The following KIAA1549 variants were observed in gnomAD, a reference collection of about 807,000 sequenced individuals.
The protein encoded by KIAA1549 is UPF0606 protein KIAA1549.
Under a neutral mutation model 156.4 loss-of-function variants are expected in KIAA1549, and 70 were observed. The ratio of observed to expected loss-of-function variants is 0.45; its 90% CI spans 0.37 to 0.55. KIAA1549 has a LOEUF of 0.55. KIAA1549 is among the 20% of genes least tolerant of loss of function. KIAA1549 has a pLI of 0.00. For missense variants in KIAA1549, 2,428 were observed against 2,540.9 expected (o/e 0.96, Z 0.96); for synonymous variants, 1,103 against 1,066.4 (o/e 1.03, Z -0.67).
intron 10 of KIAA1549, among the ~76,000 whole-genome samples, chr7:138,893,964 G>A (rs938876729): frequency 2.0e-5 from 3 of 152,208 alleles, no homozygotes; most frequent in Admixed American, 6.5e-5. Flanking sequence ...TCAGCTATTC[G>A]GAGACCGAGG....
At chr7:138,932,146 T>C (rs995499803) in intron 1 of KIAA1549, among the ~76,000 whole-genome samples, 4 of 152,204 alleles carry the variant, frequency 2.6e-5, no homozygotes, top group African/African-American at 9.6e-5. Context: ...GAATAGGCCA[T>C]GCTAAAATTA....
chr7:138,916,678 A>G (rs1812329197), intron 2 of KIAA1549, 70 bp downstream of exon 2: 1 of 1,574,330 alleles, frequency 6.4e-7, no homozygotes, highest in African/African-American at 1.3e-5. Context: ...TCCAAGCCTC[A>G]CAGGCACTGC....
intron 5 of KIAA1549, 124 bp downstream of exon 5, chr7:138,908,867 C>G: frequency 1.7e-6 from 2 of 1,148,512 alleles, no homozygotes; most frequent in East Asian, 2.4e-5. Context: ...AGATCAATCC[C>G]GACTCACATA....
chr7:138,923,361 G>C (rs1219048935), intron 1 of KIAA1549, among the ~76,000 whole-genome samples: 1 of 152,190 alleles, frequency 6.6e-6, no homozygotes, highest in African/African-American at 2.4e-5. Context: ...AGCACTTTGG[G>C]AGGCCAAGGC....
chr7:138,878,466 A>G (rs1284168129), intron 12 of KIAA1549, among the ~76,000 whole-genome samples: 1 of 152,246 alleles, frequency 6.6e-6, no homozygotes, highest in Non-Finnish European at 1.5e-5. Flanking sequence ...ATTCCTATTA[A>G]AAATAATATC....
In KIAA1549 at chr7:138,833,524, T is replaced by C. The variant is rs916474287; in HGVS notation, c.*4382A>G. 4.3e-6 allele frequency: 1 copy of C among 232,588 alleles called. No individual in the cohort carries two copies. Among genetic ancestry groups the C allele is most frequent in the Non-Finnish European group, 8.5e-6 (1 of 117,712 alleles). 14.4% of individuals were successfully genotyped at this position (232,588 alleles called of 1,614,324 possible). On this transcript the variant is annotated 3_prime_UTR_variant, in exon 20 of 20. Coordinates refer to ENST00000422774, the MANE Select transcript of KIAA1549 (RefSeq NM_001164665.2). ...CCCGTGCTTTGCCTCACAGTCCGCA[T>C]GCCAGGAAAGATCTGGCCGGCAAAC...
chr7:138,850,392 C>T (rs1383712150), intron 17 of KIAA1549, among the ~76,000 whole-genome samples: 2 of 152,184 alleles, frequency 1.3e-5, no homozygotes, highest in Admixed American at 6.5e-5. Flanking sequence ...GCCATTCTGA[C>T]TGGTATGAGA....
intron 2 of KIAA1549, among the ~76,000 whole-genome samples, chr7:138,916,203 A>C (rs1346845931): frequency 6.6e-6 from 1 of 152,228 alleles, no homozygotes; most frequent in East Asian, 1.9e-4. Flanking sequence ...TCTCCTTTCA[A>C]GGAAAAGTAA....
chr7:138,970,261 C>T (rs140643226), intron 1 of KIAA1549, among the ~76,000 whole-genome samples: 2 of 152,292 alleles, frequency 1.3e-5, no homozygotes, highest in African/African-American at 2.4e-5. Flanking sequence ...TCAACTATCT[C>T]CAAGTGCTTT....
intron 10 of KIAA1549, among the ~76,000 whole-genome samples, chr7:138,890,088 G>A (rs1335773778): frequency 1.3e-5 from 2 of 152,180 alleles, no homozygotes; most frequent in Non-Finnish European, 2.9e-5. Context: ...TGGCTCTTTT[G>A]TTCTTTCTCT....
chr7:138,844,719 G>A (rs960741254), intron 17 of KIAA1549, among the ~76,000 whole-genome samples: 2 of 152,106 alleles, frequency 1.3e-5, no homozygotes, highest in East Asian at 3.9e-4. Flanking sequence ...ACAAAAGCCA[G>A]GGCCTGCTCA....
intron 1 of KIAA1549, among the ~76,000 whole-genome samples, chr7:138,945,708 T>C (rs144892362): frequency 2.8e-3 from 426 of 152,386 alleles, no homozygotes; most frequent in African/African-American, 9.9e-3. Context: ...ACTTTTTTTA[T>C]AGGCATATTA....
At chr7:138,887,683 G>C (rs112609085) in intron 10 of KIAA1549, among the ~76,000 whole-genome samples, 1 of 152,128 alleles carries the variant, frequency 6.6e-6, no homozygotes, top group Non-Finnish European at 1.5e-5. Context: ...TAGAAACCTC[G>C]GGAACATCAA....
intron 1 of KIAA1549, among the ~76,000 whole-genome samples, chr7:138,923,377 G>C (rs1316054502): frequency 6.6e-6 from 1 of 152,198 alleles, no homozygotes; most frequent in Non-Finnish European, 1.5e-5. Flanking sequence ...AAGGCAGGTG[G>C]ATCACCTGAG....
chr7:138,945,014 T>C (rs1813298098), intron 1 of KIAA1549, among the ~76,000 whole-genome samples: 2 of 152,256 alleles, frequency 1.3e-5, no homozygotes, highest in Non-Finnish European at 2.9e-5. Flanking sequence ...TTTTATGTTA[T>C]GCATGTTTTA....
At chr7:138,875,734 C>G (rs754546708) in intron 12 of KIAA1549, among the ~76,000 whole-genome samples, 2 of 152,182 alleles carry the variant, frequency 1.3e-5, no homozygotes, top group Non-Finnish European at 2.9e-5. Context: ...ACTAAAATGA[C>G]AAAGCAAGAG....
At chr7:138,838,552 G>A (rs2065529079) in intron 19 of KIAA1549, among the ~76,000 whole-genome samples, 1 of 152,166 alleles carries the variant, frequency 6.6e-6, no homozygotes, top group Admixed American at 6.5e-5. Context: ...GCTCTGTAGA[G>A]CCTTGTCTTT....
chr7:138,887,354 A>G (rs1811422385), intron 10 of KIAA1549, among the ~76,000 whole-genome samples: 1 of 152,244 alleles, frequency 6.6e-6, no homozygotes, highest in Non-Finnish European at 1.5e-5. Context: ...GTATTTAAAT[A>G]AAATGCGTTT....
chr7:138,946,431 T>C (rs1813339168), intron 1 of KIAA1549, among the ~76,000 whole-genome samples: 1 of 152,122 alleles, frequency 6.6e-6, no homozygotes. Flanking sequence ...CGCTTGGCTA[T>C]GGGGAGAGGA....
Sources: gnomAD v4.1 joint callset for allele counts (sites outside exome capture counted in the v4.1 genomes callset) on GRCh38, gnomAD v4.1.1 for gene constraint, MANE v1.5 for transcripts, NCBI Gene and HGNC (gene_info 2026-07-23, HGNC 2026-07-21) for gene names.